Variants in KCNQ2 observed in about 807,000 individuals in gnomAD.
KCNQ2 encodes potassium voltage-gated channel subfamily KQT member 2.
In KCNQ2, 14 loss-of-function variants were observed where a neutral mutation model predicts 84.8. The ratio of observed to expected loss-of-function variants is 0.17; its 90% CI spans 0.11 to 0.26. The LOEUF (loss-of-function observed/expected upper bound fraction) is 0.26. Ranked by LOEUF, KCNQ2 falls within the 10% of genes least tolerant of loss-of-function variation. The pLI is 1.00. For synonymous variants in KCNQ2, 599 were observed against 554.1 expected, an observed-to-expected ratio of 1.08 and a Z score of -1.14; for missense variants, 788 against 1,254.0, an observed-to-expected ratio of 0.63 and a Z score of 5.61.
intron 12 of KCNQ2, 37 bp from the exon 13 acceptor site, chr20:63,415,163 A>G (rs2080250898): frequency 1.3e-6 from 2 of 1,563,296 alleles, no homozygotes; most frequent in East Asian, 4.5e-5. Context: ...ACAGAAAAAC[A>G]GGGAGAGAAG....
chr20:63,472,152 C>T lies in KCNQ2; in HGVS notation c.296+16G>A. 1.3e-6 allele frequency: 2 copies of T among 1,485,754 alleles called. No individual in the cohort carries two copies. The highest frequency in any genetic ancestry group is 1.8e-6 in the Non-Finnish European group (2 of 1,116,176). 92.0% of individuals were successfully genotyped at this position (1,485,754 alleles called of 1,614,324 possible). A position where few individuals can be genotyped will look rare whatever the true frequency, so the allele number is the denominator to read the frequency against. ...TCGCCATGGGGGTCGCCACGGGGGC[C>T]CCGCCGGCCACTCACACGTAGGCGT... On this transcript the variant is annotated intron_variant, in intron 1 of 16. Coordinates refer to ENST00000359125, the MANE Select transcript of KCNQ2 (RefSeq NM_172107.4).
chr20:63,433,258 G>A (rs1020158093), intron 8 of KCNQ2, among the ~76,000 whole-genome samples: 1 of 152,200 alleles, frequency 6.6e-6, no homozygotes, highest in African/African-American at 2.4e-5. Context: ...GCTGCCCGAG[G>A]GGCTCCAAGG....
chr20:63,434,282 C>G, intron 7 of KCNQ2: 1 of 241,686 alleles, frequency 4.1e-6, no homozygotes, highest in Non-Finnish European at 7.9e-6. Flanking sequence ...CCTGGGCAAC[C>G]TGAGGCGCTG....
rs1274889760 is a variant in KCNQ2, at chr20:63,472,470, T to G, written c.-7A>C. 28 of 1,495,018 alleles carry G rather than the reference T, an allele frequency of 1.9e-5. No individual in the cohort carries two copies. The highest frequency in any genetic ancestry group is 2.5e-5 in the Non-Finnish European group (28 of 1,128,862). The allele number at this position is 1,495,018 out of a possible 1,614,324, so 92.6% of individuals were successfully genotyped here. A position where few individuals can be genotyped will look rare whatever the true frequency, so the allele number is the denominator to read the frequency against. ...TGCGCGACTTCTGCACCATGGTGCC[T>G]GGCGGGAGGCGCCCCGGGTCGGGCT... On this transcript the variant is annotated 5_prime_UTR_variant, in exon 1 of 17. Coordinates refer to ENST00000359125, the MANE Select transcript of KCNQ2 (RefSeq NM_172107.4).
chr20:63,451,834 C>G (rs1205943195), intron 1 of KCNQ2, among the ~76,000 whole-genome samples: 1 of 152,216 alleles, frequency 6.6e-6, no homozygotes, highest in Admixed American at 6.5e-5. Context: ...CCTGGGCAGG[C>G]GCAGTCCCCA....
chr20:63,465,086 C>A (rs1018951572), intron 1 of KCNQ2, among the ~76,000 whole-genome samples: 2 of 152,244 alleles, frequency 1.3e-5, no homozygotes, highest in Non-Finnish European at 2.9e-5. Flanking sequence ...AAGCGACAGG[C>A]GCAGGTTTGG....
rs1039873951 is a variant in KCNQ2, at chr20:63,468,120, G to A, written c.296+4048C>T. 7.2e-5 allele frequency among the ~76,000 whole-genome samples: 11 copies of A among 152,276 alleles called. No homozygotes were observed. The South Asian group carries it at 1.5e-3, about 20-fold the overall frequency. On this transcript the variant is annotated intron_variant, in intron 1 of 16. Coordinates refer to ENST00000359125, the MANE Select transcript of KCNQ2 (RefSeq NM_172107.4). ...ATTTGGTGAGGGGCAGAAATCCTGC[G>A]AGGAAGCCCGAGACCTCCCAAGGGG... is the stretch of plus-strand genomic sequence containing the variant.
rs1488389779 is a variant in KCNQ2, at chr20:63,412,099, G to A, written c.1763+1351C>T. The A allele has an allele frequency of 7.6e-6, 4 of 529,362 alleles. No homozygotes were observed. The East Asian group carries it at 1.1e-4, about 14-fold the overall frequency. The allele number at this position is 529,362 out of a possible 1,614,324, so 32.8% of individuals were successfully genotyped here. Reference sequence around the variant, plus strand: ...AAAGCTTTTGACTCGGGAGCGGGTGGCGGGCGGCCCCACTGCGGAGACCCG... The same window carrying A: ...AAAGCTTTTGACTCGGGAGCGGGTGACGGGCGGCCCCACTGCGGAGACCCG... On this transcript the variant is annotated intron_variant, in intron 15 of 16. Transcript: ENST00000359125.
chr20:63,440,246 C>G (rs2081119127), intron 5 of KCNQ2, among the ~76,000 whole-genome samples: 1 of 152,038 alleles, frequency 6.6e-6, no homozygotes, highest in African/African-American at 2.4e-5. Context: ...CTTAGTTTCT[C>G]TAGGGGTGGT....
intron 10 of KCNQ2, among the ~76,000 whole-genome samples, chr20:63,426,161 C>A (rs537259636): frequency 3.9e-5 from 6 of 152,366 alleles, no homozygotes; most frequent in African/African-American, 1.4e-4. Context: ...CTTCGTCCAA[C>A]GCTGTCTCTG....
chr20:63,433,426 C>CA (rs2080889912), intron 8 of KCNQ2: 2 of 437,662 alleles, frequency 4.6e-6, no homozygotes, highest in East Asian at 9.1e-5. Context: ...GTACTGGTTC[C>CA]ACTCTTGAAG....
intron 12 of KCNQ2, among the ~76,000 whole-genome samples, chr20:63,417,786 C>T (rs1217653533): frequency 1.3e-5 from 2 of 152,216 alleles, no homozygotes; most frequent in South Asian, 2.1e-4. Context: ...CAGGGGGGAC[C>T]CCCCGCTGAC....
In KCNQ2 at chr20:63,413,667, T is replaced by C. The variant is rs2080195848; in HGVS notation, c.1632-86A>G. 2.6e-6 allele frequency: 4 copies of C among 1,510,752 alleles called. No individual in the cohort carries two copies. The African/African-American group carries it at 4.1e-5, about 16-fold the overall frequency. 93.6% of individuals were successfully genotyped at this position (1,510,752 alleles called of 1,614,324 possible). A position where few individuals can be genotyped will look rare whatever the true frequency, so the allele number is the denominator to read the frequency against. ...GGACCTTCCTAGCACCTCTGAGACCTCGGCGCCTGGAGATGGCTGGACTTG... is the reference window on the plus strand; with the variant it reads ...GGACCTTCCTAGCACCTCTGAGACCCCGGCGCCTGGAGATGGCTGGACTTG... On this transcript the variant is annotated intron_variant, in intron 14 of 16. Transcript: ENST00000359125.
chr20:63,423,049 G>C (rs1473579066), intron 11 of KCNQ2, among the ~76,000 whole-genome samples: 1 of 152,226 alleles, frequency 6.6e-6, no homozygotes, highest in Non-Finnish European at 1.5e-5. Flanking sequence ...AGCACTGGGG[G>C]CTGGCACCAG....
intron 15 of KCNQ2, chr20:63,412,186 C>T (rs1390818977): frequency 3.1e-6 from 1 of 326,088 alleles, no homozygotes; most frequent in South Asian, 4.3e-5. Context: ...CGGTACCAGA[C>T]AGGCCGCGGC....
intron 2 of KCNQ2, 95 bp from the exon 3 acceptor site, chr20:63,445,459 C>A: frequency 6.9e-7 from 1 of 1,445,578 alleles, no homozygotes; most frequent in East Asian, 2.3e-5. Flanking sequence ...GCCCAGGGAC[C>A]AAGCCACAGG....
In KCNQ2 at chr20:63,438,440, G is replaced by A. The variant is rs1042000414; in HGVS notation, c.1023+185C>T. 4.6e-6 allele frequency: 3 copies of A among 656,112 alleles called. No homozygotes were observed. The highest frequency in any genetic ancestry group is 8.3e-6 in the Non-Finnish European group (3 of 362,760). 40.6% of individuals were successfully genotyped at this position (656,112 alleles called of 1,614,324 possible). On this transcript the variant is annotated intron_variant, in intron 7 of 16. Coordinates refer to ENST00000359125, the MANE Select transcript of KCNQ2 (RefSeq NM_172107.4). This position sits in a 1 kb window ranked among gnomAD's most constrained non-coding sequence, Gnocchi z 5.1. ...ACGAGCCACCCCTGTGCAGCCTCAG[G>A]GGTTGGAGCCATTTCTCAACACACA...
chr20:63,443,099 TCAC>T (rs139636562), intron 4 of KCNQ2, among the ~76,000 whole-genome samples: 1 of 59,316 alleles, frequency 1.7e-5, no homozygotes, highest in African/African-American at 8.1e-5. Context: ...ATCACCACCA[TCAC>T]CATCACCACC....
chr20:63,445,401 G>A (rs2081383320), intron 2 of KCNQ2, 37 bp from the exon 3 acceptor site: 2 of 1,610,004 alleles, frequency 1.2e-6, no homozygotes, highest in Non-Finnish European at 1.7e-6. Flanking sequence ...CTTGAGGCCT[G>A]GGGGAGGGCC....
Sources: allele counts gnomAD v4.1 joint callset (sites outside exome capture counted in the v4.1 genomes callset), GRCh38; gene constraint gnomAD v4.1.1; non-coding constraint Gnocchi (gnomAD v3.1); transcripts MANE v1.5; gene names NCBI Gene and HGNC (gene_info 2026-07-23, HGNC 2026-07-21).